SNAP91: variants seen among roughly 807,000 people sequenced by gnomAD.
SNAP91 encodes the protein clathrin coat assembly protein AP180.
A neutral mutation model predicts 100.3 loss-of-function variants in SNAP91; 27 were observed. The ratio of observed to expected loss-of-function variants is 0.27; its 90% CI spans 0.20 to 0.37. The LOEUF (loss-of-function observed/expected upper bound fraction) is 0.37, where lower values mean the gene tolerates loss of function less well. Among genes scored for constraint, SNAP91 ranks in the 10% least tolerant of loss-of-function variants. The pLI is 1.00. For synonymous variants in SNAP91, 404 were observed against 398.6 expected (o/e 1.01, Z -0.16); for missense variants, 986 against 1,123.7 (o/e 0.88, Z 1.75).
At position 83,556,340 on chromosome 6, in the gene SNAP91, GGGGA is replaced by G. The variant is rs771842407; in HGVS notation, c.2632-99_2632-96del. ...AGGGGGCAGGGGGAGAGAGGGAGAG[GGGGA>G]GAGAGAGAGAGAGAGAGAGAGAGAG... On this transcript the variant is annotated intron_variant, in intron 28 of 29. Transcript: ENST00000369694. 2.5e-3 allele frequency: 117 copies of G among 47,558 alleles called. 4 individuals carry two copies. The highest frequency in any genetic ancestry group is 0.016 in the East Asian group (18 of 1,122). 2.9% of individuals were successfully genotyped at this position (47,558 alleles called of 1,614,324 possible). A position where few individuals can be genotyped will look rare whatever the true frequency, so the allele number is the denominator to read the frequency against.
rs1286400524 is a variant in SNAP91, at chr6:83,611,495, C to T, written c.885-818G>A. The T allele has an allele frequency of 6.6e-6, 3 of 454,660 alleles. No individual in the cohort carries two copies. In the Admixed American group the frequency reaches 7.1e-5, roughly 11 times the overall value. The allele number at this position is 454,660 out of a possible 1,614,324, so 28.2% of individuals were successfully genotyped here. ...AACAAAACAAGATGAAGACTAAATA[C>T]ATTTCAATAAGCAGCCTATATTCAC... On this transcript the variant is annotated intron_variant, in intron 11 of 29. Transcript: ENST00000369694.
chr6:83,583,906 A>C (rs570528585), intron 22 of SNAP91, among the ~76,000 whole-genome samples: 3 of 152,296 alleles, frequency 2.0e-5, no homozygotes, highest in Non-Finnish European at 2.9e-5. Context: ...GTATGAAAAA[A>C]TTTTAATTTG....
At chr6:83,591,419 G>T (rs1489151497) in intron 21 of SNAP91, 125 bp from the exon 22 acceptor site, 1 of 610,584 alleles carries the variant, frequency 1.6e-6, no homozygotes, top group Non-Finnish European at 3.0e-6. Flanking sequence ...GTCTTTTGTG[G>T]GTGTGTGAAA....
chr6:83,561,031 A>C, intron 26 of SNAP91, 84 bp from the exon 27 acceptor site: 3 of 881,142 alleles, frequency 3.4e-6, no homozygotes, highest in Non-Finnish European at 5.1e-6. Flanking sequence ...AAAAAGAACA[A>C]TATAATTTGG....
At chr6:83,675,817 C>A (rs2098862105) in intron 2 of SNAP91, among the ~76,000 whole-genome samples, 1 of 144,160 alleles carries the variant, frequency 6.9e-6, no homozygotes, top group African/African-American at 2.7e-5. Flanking sequence ...GAGCCTGATA[C>A]ACTTGAAGGA....
At position 83,593,487 on chromosome 6, in the gene SNAP91, T is replaced by C. The variant is rs748249854; in HGVS notation, c.1687A>G (p.Ile563Val). 5.2e-6 allele frequency: 8 copies of C among 1,551,256 alleles called. No individual in the cohort carries two copies. In the South Asian group the frequency reaches 9.5e-5, roughly 18 times the overall value. ...TATTAPPALD[I>V]FGDLFESTPE... The stretch of plus-strand genomic sequence containing the variant: ...AATAACAAAAAATTACCACCAAAGA[T>C]ATCTAGAGCAGGAGGAGCAGTGGTG... The change falls in exon 18 of 30, where the codon ATC becomes GTC. Residue 563 changes from isoleucine (I) to valine (V), a missense_variant. Around this residue, in one of 4 missense-constraint regions of SNAP91, gnomAD observed 575 missense variants for 579.9 expected, o/e 0.99. Transcript: ENST00000369694.
chr6:83,593,329 C>T, intron 18 of SNAP91, 70 bp from the exon 19 acceptor site: 3 of 1,520,676 alleles, frequency 2.0e-6, no homozygotes, highest in South Asian at 1.2e-5. Context: ...ACTTCCCAGT[C>T]CTTAATTAGC....
intron 26 of SNAP91, among the ~76,000 whole-genome samples, chr6:83,571,358 C>A (rs1807376538): frequency 6.6e-6 from 1 of 152,156 alleles, no homozygotes; most frequent in South Asian, 2.1e-4. Flanking sequence ...CTGCCTCGGC[C>A]TCCCAAAATG....
intron 2 of SNAP91, among the ~76,000 whole-genome samples, chr6:83,674,863 G>A (rs959926181): frequency 5.9e-5 from 9 of 152,038 alleles, no homozygotes; most frequent in Non-Finnish European, 1.5e-5. Flanking sequence ...GGAAAGACAG[G>A]GAAATCATCA....
intron 22 of SNAP91, among the ~76,000 whole-genome samples, chr6:83,584,834 G>C (rs976082493): frequency 6.6e-6 from 1 of 152,152 alleles, no homozygotes. Flanking sequence ...GAATTCTCCA[G>C]AGTCTGGATT....
At chr6:83,612,352 T>C (rs1448245549) in intron 11 of SNAP91, among the ~76,000 whole-genome samples, 1 of 152,154 alleles carries the variant, frequency 6.6e-6, no homozygotes, top group East Asian at 1.9e-4. Context: ...TTTTGGCTAA[T>C]AATTTCTCCA....
chr6:83,619,434 A>T (rs1229753668), intron 9 of SNAP91, among the ~76,000 whole-genome samples: 1 of 152,174 alleles, frequency 6.6e-6, no homozygotes, highest in Non-Finnish European at 1.5e-5. Context: ...TAAATTTCCA[A>T]GGAGCAAAAA....
chr6:83,635,913 TC>T (rs1220885768), intron 8 of SNAP91, among the ~76,000 whole-genome samples: 1 of 152,226 alleles, frequency 6.6e-6, no homozygotes. Context: ...AGATTTTATT[TC>T]ACTTTCACTT....
At chr6:83,648,293 TCC>T (rs1046637313) in intron 7 of SNAP91, among the ~76,000 whole-genome samples, 1 of 152,150 alleles carries the variant, frequency 6.6e-6, no homozygotes, top group Non-Finnish European at 1.5e-5. Context: ...AACAGTTAAT[TCC>T]TTTTTATTGT....
intron 12 of SNAP91, among the ~76,000 whole-genome samples, chr6:83,609,844 C>T (rs1013691545): frequency 2.6e-5 from 4 of 152,206 alleles, no homozygotes; most frequent in East Asian, 1.9e-4. Context: ...CTACCTCATA[C>T]GACTCTGATT....
rs1039361670 is a variant in SNAP91, at chr6:83,594,440, C to T, written c.1366G>A (p.Glu456Lys). The stretch of plus-strand genomic sequence containing the variant: ...GGGGTAGCTGGTGCGGCGGCCCCTT[C>T]GGATGCTGCAGGGGCCTCCCCAGGA... ...ASPGEAPAAS[E>K]GAAAPATPTP... is the part of the protein sequence containing the mutation. Residue 456 changes from glutamate (E) to lysine (K), a missense_variant, in exon 17 of 30, where the codon GAA becomes AAA. Around this residue, in one of 4 missense-constraint regions of SNAP91, gnomAD observed 575 missense variants for 579.9 expected, o/e 0.99. Coordinates refer to ENST00000369694, the MANE Select transcript of SNAP91 (RefSeq NM_001242792.2). 10 of 1,551,152 alleles carry T rather than the reference C, an allele frequency of 6.4e-6. No homozygotes were observed. In the East Asian group the frequency reaches 7.3e-5, roughly 11 times the overall value.
intron 10 of SNAP91, among the ~76,000 whole-genome samples, chr6:83,616,746 G>T (rs1427664871): frequency 1.3e-5 from 2 of 152,066 alleles, no homozygotes; most frequent in Non-Finnish European, 2.9e-5. Context: ...TTCAGTTAAT[G>T]TAGGTACAAT....
intron 8 of SNAP91, among the ~76,000 whole-genome samples, chr6:83,624,877 A>T (rs1365348237): frequency 3.3e-5 from 5 of 152,062 alleles, no homozygotes; most frequent in African/African-American, 1.2e-4. Context: ...AAATATTATT[A>T]TTTCTTTTTA....
At chr6:83,567,504 A>T (rs1028689631) in intron 26 of SNAP91, among the ~76,000 whole-genome samples, 27 of 152,344 alleles carry the variant, frequency 1.8e-4, no homozygotes, top group African/African-American at 5.8e-4. Context: ...GACAAATGGG[A>T]TCAATGAAAC....
Sources: gnomAD v4.1 joint callset for allele counts (sites outside exome capture counted in the v4.1 genomes callset) on GRCh38, gnomAD v4.1.1 for gene constraint, gnomAD v4.1.1 regional missense constraint, MANE v1.5 for transcripts, NCBI Gene and HGNC (gene_info 2026-07-23, HGNC 2026-07-21) for gene names.